The following YTHDC2 variants were observed in gnomAD, a reference collection of about 807,000 sequenced individuals.
YTHDC2 encodes 3'-5' RNA helicase YTHDC2.
YTHDC2 carries 45 observed loss-of-function variants against 174.9 expected under a neutral mutation model. The observed-to-expected ratio is 0.26, with a 90% CI of 0.20 to 0.33. YTHDC2 has a LOEUF of 0.33. Ranked by LOEUF, YTHDC2 falls within the 10% of genes least tolerant of loss-of-function variation. The pLI, the probability that YTHDC2 is intolerant of heterozygous loss-of-function variation, is 1.00. For synonymous variants in YTHDC2, 657 were observed against 574.5 expected, an observed-to-expected ratio of 1.14 and a Z score of -2.05; for missense variants, 1,650 against 1,723.7, an observed-to-expected ratio of 0.96 and a Z score of 0.76.
chr5:113,549,358 G>A (rs2112655563), intron 12 of YTHDC2, among the ~76,000 whole-genome samples: 1 of 152,270 alleles, frequency 6.6e-6, no homozygotes, highest in African/African-American at 2.4e-5. Flanking sequence ...GAGAATGGAA[G>A]AGGACAGGGC....
intron 10 of YTHDC2, among the ~76,000 whole-genome samples, chr5:113,547,290 T>C (rs1775943383): frequency 6.6e-6 from 1 of 152,212 alleles, no homozygotes; most frequent in Admixed American, 6.5e-5. Flanking sequence ...TCTTTTAAAA[T>C]GCCTGACCAT....
intron 17 of YTHDC2, among the ~76,000 whole-genome samples, chr5:113,556,709 A>T (rs1278368870): frequency 1.3e-5 from 2 of 152,204 alleles, no homozygotes. Flanking sequence ...GGGAGTATAG[A>T]TTGGTGTGAC....
chr5:113,576,193 G>A (rs969994821), intron 23 of YTHDC2, among the ~76,000 whole-genome samples: 1 of 152,106 alleles, frequency 6.6e-6, no homozygotes, highest in Non-Finnish European at 1.5e-5. Flanking sequence ...TCATCAGCTT[G>A]TAAATGATAT....
intron 2 of YTHDC2, among the ~76,000 whole-genome samples, chr5:113,519,231 A>C (rs1773695518): frequency 6.6e-6 from 1 of 152,066 alleles, no homozygotes. Context: ...CTTGGAGTAA[A>C]AGCCCCATTT....
intron 1 of YTHDC2, 88 bp downstream of exon 1, chr5:113,514,170 G>A (rs2112499782): frequency 6.7e-7 from 1 of 1,491,958 alleles, no homozygotes; most frequent in Admixed American, 2.0e-5. Flanking sequence ...GAGTGATGGG[G>A]GTGCCTCCGA....
Position 113,591,138 on chromosome 5 carries a change from G to C in YTHDC2, c.3923G>C (p.Gly1308Ala), listed in dbSNP as rs776981383. The C allele has an allele frequency of 1.9e-6, 3 of 1,613,948 alleles. No individual in the cohort carries two copies. In the East Asian group the frequency reaches 6.7e-5, roughly 36 times the overall value. The change falls in exon 27 of 30, where the codon GGT becomes GCT. Residue 1308 changes from glycine (G) to alanine (A), a missense_variant. Gly to Ala is a moderately conservative substitution (Grantham distance 60). Transcript: ENST00000161863. ...LRNLEISQQK[G>A]IWSTTPSNER... The stretch of plus-strand genomic sequence containing the variant: ...AACCTTGAAATTTCTCAACAGAAGG[G>C]TATCTGGTCTACAACTCCTAGTAAT...
At chr5:113,534,215 A>G in intron 5 of YTHDC2, 90 bp from the exon 6 acceptor site, 1 of 951,554 alleles carries the variant, frequency 1.1e-6, no homozygotes, top group East Asian at 2.4e-5. Context: ...ATTTATTAAA[A>G]TGTGTACGAG....
At chr5:113,565,509 T>G (rs1777274244) in intron 20 of YTHDC2, among the ~76,000 whole-genome samples, 1 of 152,206 alleles carries the variant, frequency 6.6e-6, no homozygotes, top group Non-Finnish European at 1.5e-5. Flanking sequence ...AGTCCAGGGT[T>G]GACATAGAGA....
rs75504070 is a variant in YTHDC2 at position 113,550,712 on chromosome 5, C to T, written c.1688+1692C>T. ...AATAGAATAGTCCTAAGCAGTGTGA[C>T]TAGGAGTTTTTGTTATAACTTCTAT... On this transcript the variant is annotated intron_variant, in intron 12 of 29. Coordinates refer to ENST00000161863, the MANE Select transcript of YTHDC2 (RefSeq NM_022828.5). Among the ~76,000 whole-genome samples the T allele has an allele frequency of 6.4e-3, 970 of 152,162 alleles. 7 individuals carry two copies. Among genetic ancestry groups the T allele is most frequent in the African/African-American group, 0.022 (903 of 41,532 alleles).
intron 23 of YTHDC2, among the ~76,000 whole-genome samples, chr5:113,568,623 T>G (rs1777513153): frequency 6.6e-6 from 1 of 152,212 alleles, no homozygotes; most frequent in South Asian, 2.1e-4. Context: ...GAACATGCGG[T>G]GTTTGGTTTT....
At chr5:113,521,699 C>G (rs1333920163) in intron 2 of YTHDC2, among the ~76,000 whole-genome samples, 1 of 150,394 alleles carries the variant, frequency 6.6e-6, no homozygotes, top group East Asian at 2.0e-4. Flanking sequence ...CCACTGCACT[C>G]CAGCCTGGGT....
rs1369820911 is a variant in YTHDC2 at position 113,567,636 on chromosome 5, A to C, written c.3049-18A>C. On this transcript the variant is annotated intron_variant, in intron 22 of 29. Transcript: ENST00000161863. ...GATAAACACAATTAACAATTTTTAA[A>C]ATTTATTTTCTTAATAGATTCCTCC... 1 of 1,557,688 alleles carries C rather than the reference A, an allele frequency of 6.4e-7. No homozygotes were observed.
Position 113,548,553 on chromosome 5 carries a change from A to G in YTHDC2, c.1508A>G (p.His503Arg). The G allele has an allele frequency of 6.2e-7, 1 of 1,602,722 alleles. No homozygotes were observed. The highest frequency in any genetic ancestry group is 8.5e-7 in the Non-Finnish European group (1 of 1,176,608). The change falls in exon 11 of 30, where the codon CAT becomes CGT. Residue 503 changes from histidine (H) to arginine (R), a missense_variant. Coordinates refer to ENST00000161863, the MANE Select transcript of YTHDC2 (RefSeq NM_022828.5). ...LTENVSVDYR[H>R]SETSATALMV... ...TTCCTTTTTTTAGTTGATTACAGAC[A>G]TAGTGAAACCAGTGCAACAGCTCTG...
At position 113,553,169 on chromosome 5, in the gene YTHDC2, T is replaced by G. The variant is rs1346844988; in HGVS notation, c.1689-12T>G. On this transcript the variant is annotated splice_polypyrimidine_tract_variant and intron_variant, in intron 12 of 29. Coordinates refer to ENST00000161863, the MANE Select transcript of YTHDC2 (RefSeq NM_022828.5). ...AAATTGACTTTGTCTTTTTTTTTTT[T>G]TTTTTTTTCAGTGCTACACTGGAAT... is the stretch of plus-strand genomic sequence containing the variant. The G allele has an allele frequency of 2.2e-6, 3 of 1,378,322 alleles. No individual in the cohort carries two copies. Among genetic ancestry groups the G allele is most frequent in the Non-Finnish European group, 2.8e-6 (3 of 1,068,896 alleles). 85.4% of individuals were successfully genotyped at this position (1,378,322 alleles called of 1,614,324 possible).
chr5:113,517,880 CTTTATTTTAT>C (rs762158682), intron 2 of YTHDC2, among the ~76,000 whole-genome samples: 1 of 151,986 alleles, frequency 6.6e-6, no homozygotes, highest in Non-Finnish European at 1.5e-5. Context: ...CACCCTTTGA[CTTTATTTTAT>C]TTTATTTTAT....
At chr5:113,517,679 C>T in intron 2 of YTHDC2, 1 of 420,114 alleles carries the variant, frequency 2.4e-6, no homozygotes, top group South Asian at 1.7e-5. Flanking sequence ...TACGAAATAC[C>T]CTAGCTCCTT....
Position 113,534,405 on chromosome 5 carries a change from G to A in YTHDC2, c.943G>A (p.Val315Met), listed in dbSNP as rs377127881. 8.8e-5 allele frequency: 141 copies of A among 1,609,890 alleles called. No individual in the cohort carries two copies. The highest frequency in any genetic ancestry group is 1.6e-4 in the Middle Eastern group (1 of 6,064). ...GTTGTCGACTGTGACACATGTTATCGTGGTAAGAATATTGCTGAATTTGTC... is the reference window on the plus strand; with the variant it reads ...GTTGTCGACTGTGACACATGTTATCATGGTAAGAATATTGCTGAATTTGTC... Reference protein sequence around the residue: ...STLSTVTHVIVDEVHERDRFS... With the variant: ...STLSTVTHVIMDEVHERDRFS... Residue 315 changes from valine to methionine, a missense_variant and splice_region_variant, in exon 6 of 30, where the codon GTG becomes ATG. Val to Met is a conservative substitution (Grantham distance 21, BLOSUM62 1). This residue lies in a region of YTHDC2 where 411 missense variants were observed against 380.6 expected (regional missense o/e 1.08). Transcript: ENST00000161863.
At chr5:113,551,362 A>G (rs1388975927) in intron 12 of YTHDC2, among the ~76,000 whole-genome samples, 3 of 152,006 alleles carry the variant, frequency 2.0e-5, no homozygotes, top group Non-Finnish European at 2.9e-5. Context: ...TTTTTATTTG[A>G]TAGATCATAT....
At chr5:113,574,873 C>G (rs1192419444) in intron 23 of YTHDC2, among the ~76,000 whole-genome samples, 1 of 152,326 alleles carries the variant, frequency 6.6e-6, no homozygotes, top group Non-Finnish European at 1.5e-5. Context: ...GTGGCATGGG[C>G]TCACAAAGGG....
Sources: gnomAD v4.1 joint callset for allele counts (sites outside exome capture counted in the v4.1 genomes callset) on GRCh38, gnomAD v4.1.1 for gene constraint, gnomAD v4.1.1 regional missense constraint, MANE v1.5 for transcripts, NCBI Gene and HGNC (gene_info 2026-07-23, HGNC 2026-07-21) for gene names.